Variants in HDAC8 observed in about 807,000 individuals in gnomAD.
The protein encoded by HDAC8 is histone deacetylase 8, also known as histone deacetylase-like 1.
Under a neutral mutation model 32.2 loss-of-function variants are expected in HDAC8, and 1 was observed. That is an observed-to-expected ratio of 0.03 (90% CI 0.01 to 0.15). HDAC8 has a LOEUF of 0.15. Ranked by LOEUF, HDAC8 falls within the 10% of genes least tolerant of loss-of-function variation. The pLI, the probability that HDAC8 is intolerant of heterozygous loss-of-function variation, is 1.00. For missense variants in HDAC8, 117 were observed against 300.0 expected, an observed-to-expected ratio of 0.39 and a Z score of 4.51; for synonymous variants, 108 against 113.9, an observed-to-expected ratio of 0.95 and a Z score of 0.33.
chrX:72,389,584 A>G (rs943245915), intron 9 of HDAC8, among the ~76,000 whole-genome samples: 4 of 112,206 alleles, frequency 3.6e-5, no homozygotes, highest in Non-Finnish European at 5.6e-5. Context: ...TTAGGGATGA[A>G]GAAACTGAGC....
At chrX:72,515,906 G>A (rs189960114) in intron 4 of HDAC8, among the ~76,000 whole-genome samples, 20 of 112,257 alleles carry the variant, frequency 1.8e-4, no homozygotes, top group African/African-American at 5.5e-4. Context: ...GACTAGCACT[G>A]CAAAAGGTCT....
chrX:72,405,916 G>A lies in HDAC8; in HGVS notation c.1006-54078C>T, dbSNP rs782384796. ...GTTTAGTTATTTTTCAAATCTACCA[G>A]GTCATTTTTGATAGTCTCTTGCTCT... On this transcript the variant is annotated intron_variant, in intron 9 of 10. Coordinates refer to ENST00000373573, the MANE Select transcript of HDAC8 (RefSeq NM_018486.3). Among the ~76,000 whole-genome samples, 3 of 111,441 alleles carry A rather than the reference G, an allele frequency of 2.7e-5. No homozygotes were observed. The South Asian group carries it at 1.1e-3, about 42-fold the overall frequency.
intron 4 of HDAC8, among the ~76,000 whole-genome samples, chrX:72,560,565 TAAA>T (rs147846647): frequency 8.5e-5 from 3 of 35,224 alleles, no homozygotes; most frequent in African/African-American, 2.2e-4. Flanking sequence ...CAATAAATAC[TAAA>T]AAAAAAAAAA....
At chrX:72,429,557 G>T (rs2046753465) in intron 9 of HDAC8, among the ~76,000 whole-genome samples, 1 of 111,899 alleles carries the variant, frequency 8.9e-6, no homozygotes, top group Non-Finnish European at 1.9e-5. Context: ...TCCTGGAGGT[G>T]CACGCCAGTG....
intron 7 of HDAC8, chrX:72,474,790 C>A: frequency 1.4e-6 from 1 of 726,886 alleles, no homozygotes; most frequent in African/African-American, 2.1e-5. Flanking sequence ...AAGAAAAGCC[C>A]AAGAACAAAA....
At chrX:72,379,313 G>A (rs1166045920) in intron 9 of HDAC8, among the ~76,000 whole-genome samples, 1 of 110,902 alleles carries the variant, frequency 9.0e-6, no homozygotes, top group African/African-American at 3.3e-5. Flanking sequence ...CTCAGTGACA[G>A]TTTATGTTGA....
At chrX:72,568,915 C>T (rs781872679) in intron 2 of HDAC8, 31 bp from the exon 3 acceptor site, 7 of 1,191,950 alleles carry the variant, frequency 5.9e-6, no homozygotes, top group Admixed American at 2.3e-5. Flanking sequence ...AAAGAGAGGT[C>T]AGTGAGTCAG....
At chrX:72,429,019 C>CTTT (rs34627755) in intron 9 of HDAC8, among the ~76,000 whole-genome samples, 1 of 86,410 alleles carries the variant, frequency 1.2e-5, no homozygotes, top group Non-Finnish European at 2.3e-5. Context: ...TTCTTTCTTT[C>CTTT]TTTCTTTTTT....
rs1313367601 is a variant in HDAC8, at chrX:72,472,155, C to T, written c.738-7424G>A. Among the ~76,000 whole-genome samples the T allele has an allele frequency of 2.8e-5, 3 of 106,250 alleles. No homozygotes were observed. The Admixed American group carries it at 3.0e-4, about 11-fold the overall frequency. The allele number at this position is 106,250 out of a possible 115,157, so 92.3% of individuals were successfully genotyped here. ...GGATCTCGGCTCACTGCAAGCTCCGCCTCCCGGGTTCACGCCATTCTCCTG... is the reference window on the plus strand; with the variant it reads ...GGATCTCGGCTCACTGCAAGCTCCGTCTCCCGGGTTCACGCCATTCTCCTG... On this transcript the variant is annotated intron_variant, in intron 7 of 10. Transcript: ENST00000373573.
At chrX:72,438,907 A>G (rs1442041809) in intron 9 of HDAC8, among the ~76,000 whole-genome samples, 1 of 112,192 alleles carries the variant, frequency 8.9e-6, no homozygotes, top group Non-Finnish European at 1.9e-5. Flanking sequence ...ATTATCCAGG[A>G]GAACTTCCCC....
At chrX:72,505,425 C>T (rs1396879156) in intron 4 of HDAC8, among the ~76,000 whole-genome samples, 1 of 111,784 alleles carries the variant, frequency 8.9e-6, no homozygotes, top group African/African-American at 3.3e-5. Flanking sequence ...TTATCAGAGT[C>T]TAGTCCTATT....
At chrX:72,536,605 A>T (rs2050534707) in intron 4 of HDAC8, among the ~76,000 whole-genome samples, 1 of 112,130 alleles carries the variant, frequency 8.9e-6, no homozygotes, top group African/African-American at 3.2e-5. Context: ...CATGCACCTA[A>T]TTGTGGGAAA....
chrX:72,547,195 C>T lies in HDAC8; in HGVS notation c.437+20694G>A, dbSNP rs72630049. Among the ~76,000 whole-genome samples the T allele has an allele frequency of 0.064, 7,159 of 111,171 alleles. 795 individuals are homozygous for T. The East Asian group carries it at 0.67, about 10-fold the overall frequency. ...TAATGACCATCTTAATTGTCAAATA[C>T]GATTCACACTTCAGTACCTATCTAG... On this transcript the variant is annotated intron_variant, in intron 4 of 10. Transcript: ENST00000373573.
chrX:72,421,272 G>T (rs2046483135), intron 9 of HDAC8, among the ~76,000 whole-genome samples: 1 of 110,817 alleles, frequency 9.0e-6, no homozygotes, highest in Non-Finnish European at 1.9e-5. Flanking sequence ...GTGGAGGTTT[G>T]TTACACAGGT....
intron 9 of HDAC8, among the ~76,000 whole-genome samples, chrX:72,383,760 G>C (rs2045335998): frequency 1.9e-5 from 2 of 107,976 alleles, no homozygotes; most frequent in Admixed American, 2.0e-4. Flanking sequence ...GTTCCAGCTA[G>C]TCGGGAGGCT....
In HDAC8 at chrX:72,391,658, G is replaced by T. The variant is rs192664810; in HGVS notation, c.1006-39820C>A. 4.5e-5 allele frequency among the ~76,000 whole-genome samples: 5 copies of T among 111,447 alleles called. No homozygotes were observed. In the Admixed American group the frequency reaches 4.8e-4, roughly 11 times the overall value. ...TTGCCCTCTCAAGTGATGGTAAAAAGAACTCTCTAAATGCTTTAATGAGCT... is the reference window on the plus strand; with the variant it reads ...TTGCCCTCTCAAGTGATGGTAAAAATAACTCTCTAAATGCTTTAATGAGCT... On this transcript the variant is annotated intron_variant, in intron 9 of 10. Transcript: ENST00000373573.
intron 10 of HDAC8, among the ~76,000 whole-genome samples, chrX:72,347,494 C>A (rs1602538712): frequency 8.9e-6 from 1 of 111,747 alleles, no homozygotes; most frequent in African/African-American, 3.3e-5. Context: ...ACAACTCCCC[C>A]ACTCCTGCTC....
intron 7 of HDAC8, chrX:72,474,452 C>G: frequency 9.9e-7 from 1 of 1,014,457 alleles, no homozygotes; most frequent in Non-Finnish European, 1.2e-6. Context: ...ACCACTGTAA[C>G]AGTACTGTTT....
At chrX:72,487,214 AACTT>A (rs2148118716) in intron 7 of HDAC8, among the ~76,000 whole-genome samples, 1 of 112,099 alleles carries the variant, frequency 8.9e-6, no homozygotes, top group African/African-American at 3.2e-5. Context: ...CTTGGGGCTA[AACTT>A]ACTTTAAAAA....
Sources: gnomAD v4.1 joint callset for allele counts (sites outside exome capture counted in the v4.1 genomes callset) on GRCh38, gnomAD v4.1.1 for gene constraint, MANE v1.5 for transcripts, NCBI Gene and HGNC (gene_info 2026-07-23, HGNC 2026-07-21) for gene names.